The following COL26A1 variants were observed in gnomAD, a reference collection of about 807,000 sequenced individuals.
COL26A1 encodes the protein collagen type XXVI alpha 1 chain, also known as collagen alpha-1(XXVI) chain.
COL26A1 carries 41 observed loss-of-function variants against 59.3 expected under a neutral mutation model. The ratio of observed to expected loss-of-function variants is 0.69; its 90% CI spans 0.54 to 0.90. The LOEUF (loss-of-function observed/expected upper bound fraction) is 0.90. COL26A1 is among the 40% of genes least tolerant of loss of function. The pLI, the probability that COL26A1 is intolerant of heterozygous loss-of-function variation, is 0.00. For synonymous variants in COL26A1, 266 were observed against 256.0 expected (o/e 1.04, Z -0.37); for missense variants, 612 against 602.3 (o/e 1.02, Z -0.17).
chr7:101,396,649 A>G (rs1791861783), intron 1 of COL26A1, among the ~76,000 whole-genome samples: 1 of 152,062 alleles, frequency 6.6e-6, no homozygotes, highest in Non-Finnish European at 1.5e-5. Context: ...TTTAGTACAG[A>G]TGAGATTTCA....
At chr7:101,547,745 AT>A (rs1166541271) in intron 8 of COL26A1, among the ~76,000 whole-genome samples, 1 of 152,208 alleles carries the variant, frequency 6.6e-6, no homozygotes, top group Non-Finnish European at 1.5e-5. Flanking sequence ...TGATTCATTC[AT>A]TCTTTTATTC....
At chr7:101,368,652 C>T (rs76243984) in intron 1 of COL26A1, among the ~76,000 whole-genome samples, 3,203 of 152,168 alleles carry the variant, frequency 0.021, 67 homozygotes, top group South Asian at 0.073. Flanking sequence ...TGGTAACTTC[C>T]GGGTGTTGCC....
chr7:101,509,519 T>A (rs1794879086), intron 3 of COL26A1, among the ~76,000 whole-genome samples: 1 of 152,148 alleles, frequency 6.6e-6, no homozygotes, highest in African/African-American at 2.4e-5. Flanking sequence ...CCTAGAGCAA[T>A]GGCATCTCAC....
At chr7:101,420,685 GCCCCTCACCAGCCACA>G (rs1336690195) in intron 2 of COL26A1, among the ~76,000 whole-genome samples, 1 of 16,908 alleles carries the variant, frequency 5.9e-5, no homozygotes, top group African/African-American at 1.9e-4. Context: ...TACCAGCCAC[GCCCCTCACCAGCCACA>G]CCCCTCACCA....
intron 3 of COL26A1, among the ~76,000 whole-genome samples, chr7:101,472,295 T>C (rs7804118): frequency 0.51 from 77,499 of 152,056 alleles, 20,465 homozygotes; most frequent in African/African-American, 0.64. Flanking sequence ...TGTGAGCCGC[T>C]GTGCTCAGCC....
chr7:101,489,826 CTTTCTTTCTTT>C (rs1794395691), intron 3 of COL26A1, among the ~76,000 whole-genome samples: 1 of 9,380 alleles, frequency 1.1e-4, no homozygotes, highest in African/African-American at 9.5e-4. Flanking sequence ...TTCTTTCTTT[CTTTCTTTCTTT>C]CTTTCTTTCT....
intron 1 of COL26A1, among the ~76,000 whole-genome samples, chr7:101,378,884 G>A (rs1404446998): frequency 6.6e-6 from 1 of 151,990 alleles, no homozygotes; most frequent in Non-Finnish European, 1.5e-5. Flanking sequence ...TCCCCGGGGA[G>A]TTGTCCCTGG....
At chr7:101,393,107 G>C (rs1390725874) in intron 1 of COL26A1, among the ~76,000 whole-genome samples, 1 of 150,982 alleles carries the variant, frequency 6.6e-6, no homozygotes, top group East Asian at 2.0e-4. Context: ...GGTTCAAGCA[G>C]TTCTCCTGCC....
At chr7:101,372,924 G>A (rs1435347118) in intron 1 of COL26A1, among the ~76,000 whole-genome samples, 1 of 152,198 alleles carries the variant, frequency 6.6e-6, no homozygotes, top group Non-Finnish European at 1.5e-5. Flanking sequence ...GAGCCCAGGA[G>A]TTTGAGGCCG....
chr7:101,548,842 A>T (rs1795799800), intron 8 of COL26A1, among the ~76,000 whole-genome samples: 1 of 152,056 alleles, frequency 6.6e-6, no homozygotes. Flanking sequence ...AAGACCGGAG[A>T]GACGTACCAG....
intron 4 of COL26A1, 68 bp downstream of exon 4, chr7:101,533,211 C>G (rs544228053): frequency 2.1e-5 from 25 of 1,177,030 alleles, no homozygotes; most frequent in Non-Finnish European, 3.1e-5. Flanking sequence ...AGGGAGGCAT[C>G]AGGCAACCAC....
chr7:101,364,801 C>T (rs1380098116), intron 1 of COL26A1, among the ~76,000 whole-genome samples: 1 of 152,116 alleles, frequency 6.6e-6, no homozygotes, highest in East Asian at 1.9e-4. Context: ...AACTTCTGGC[C>T]TCAAGAGATC....
chr7:101,398,578 A>G (rs1383285376), intron 1 of COL26A1, among the ~76,000 whole-genome samples: 1 of 152,190 alleles, frequency 6.6e-6, no homozygotes, highest in Non-Finnish European at 1.5e-5. Context: ...CTGACCTGCA[A>G]TAATGGCAAG....
chr7:101,443,978 C>T (rs1793123572), intron 2 of COL26A1, among the ~76,000 whole-genome samples: 1 of 151,334 alleles, frequency 6.6e-6, no homozygotes, highest in African/African-American at 2.4e-5. Context: ...CTCCAGTGAC[C>T]CTCCCACCTC....
At chr7:101,386,525 C>T (rs1791581245) in intron 1 of COL26A1, among the ~76,000 whole-genome samples, 1 of 152,222 alleles carries the variant, frequency 6.6e-6, no homozygotes, top group African/African-American at 2.4e-5. Context: ...GTTTCACGCA[C>T]TTCATCTGCA....
At chr7:101,533,276 G>A (rs1584492465) in intron 4 of COL26A1, 133 bp downstream of exon 4, 5 of 697,592 alleles carry the variant, frequency 7.2e-6, no homozygotes, top group South Asian at 3.4e-5. Context: ...TTGGACAGCC[G>A]GTCCCAGGTA....
intron 1 of COL26A1, among the ~76,000 whole-genome samples, chr7:101,410,677 G>C (rs1015989925): frequency 5.2e-5 from 7 of 135,350 alleles, no homozygotes; most frequent in African/African-American, 1.8e-4. Flanking sequence ...ACCACGCCCG[G>C]CTAATTTTGG....
At chr7:101,363,212 G>A (rs1458875620) in intron 1 of COL26A1, 22 bp downstream of exon 1, 1 of 1,338,778 alleles carries the variant, frequency 7.5e-7, no homozygotes, top group Admixed American at 2.5e-5. Flanking sequence ...GGGGCCGAGG[G>A]GCCGGGGGGT....
rs536787710 is a variant in COL26A1 at position 101,401,754 on chromosome 7, GA to G, written c.159-18221del. ...GGAAGAGAAGGAGGAGGAAGAGGAG[GA>G]AGAGGAGGAGGGAGAAGAGGAGGAG... On this transcript the variant is annotated intron_variant, in intron 1 of 12. Coordinates refer to ENST00000313669, the MANE Select transcript of COL26A1 (RefSeq NM_001278563.3). 4.1e-3 allele frequency among the ~76,000 whole-genome samples: 565 copies of G among 138,862 alleles called. 2 individuals carry two copies. The highest frequency in any genetic ancestry group is 0.015 in the African/African-American group (519 of 34,496). The allele number at this position is 138,862 out of a possible 152,430, so 91.1% of individuals were successfully genotyped here.
Sources: gnomAD v4.1 joint callset for allele counts (sites outside exome capture counted in the v4.1 genomes callset) on GRCh38, gnomAD v4.1.1 for gene constraint, MANE v1.5 for transcripts, NCBI Gene and HGNC (gene_info 2026-07-23, HGNC 2026-07-21) for gene names.